ARL15: variants seen among roughly 807,000 people sequenced by gnomAD.
The protein encoded by ARL15 is ARF like GTPase 15.
ARL15 carries 19 observed loss-of-function variants against 25.2 expected under a neutral mutation model. That is an observed-to-expected ratio of 0.75 (90% CI 0.53 to 1.10). ARL15 has a LOEUF of 1.10. ARL15 is among the 50% of genes least tolerant of loss of function. The probability of loss-of-function intolerance (pLI) is 0.00; values close to 1 mark genes in which losing one functional copy is unlikely to be tolerated. For missense variants in ARL15, 220 were observed against 246.0 expected (o/e 0.89, Z 0.71); for synonymous variants, 94 against 86.8 (o/e 1.08, Z -0.46).
At chr5:54,221,488 T>C (rs558061778) in intron 1 of ARL15, among the ~76,000 whole-genome samples, 2 of 152,308 alleles carry the variant, frequency 1.3e-5, no homozygotes, top group African/African-American at 4.8e-5. Flanking sequence ...GATTTTTCTT[T>C]TTCCTTTCTT....
Position 53,937,134 on chromosome 5 carries a change from G to A in ARL15, c.463-50421C>T, listed in dbSNP as rs770561280. Among the ~76,000 whole-genome samples, 6 of 152,218 alleles carry A rather than the reference G, an allele frequency of 3.9e-5. No homozygotes were observed. The East Asian group carries it at 7.7e-4, about 20-fold the overall frequency. ...GCCTTGCCAAGAGTTCTCCGTCCCC[G>A]GAGGCTCGGTGTCAATGGCTTTCAC... On this transcript the variant is annotated intron_variant, in intron 4 of 4. Transcript: ENST00000504924.
At chr5:54,083,567 A>T (rs1751870694) in intron 4 of ARL15, among the ~76,000 whole-genome samples, 1 of 152,180 alleles carries the variant, frequency 6.6e-6, no homozygotes, top group Non-Finnish European at 1.5e-5. Flanking sequence ...AATATCACCA[A>T]TTAACTAAAA....
intron 4 of ARL15, among the ~76,000 whole-genome samples, chr5:54,080,985 C>T (rs1751780699): frequency 6.6e-6 from 1 of 152,168 alleles, no homozygotes; most frequent in South Asian, 2.1e-4. Flanking sequence ...AGAGCTCTTT[C>T]ACTCCTTCTT....
intron 4 of ARL15, among the ~76,000 whole-genome samples, chr5:53,889,794 T>C (rs188643629): frequency 1.3e-4 from 19 of 151,416 alleles, no homozygotes; most frequent in Admixed American, 7.9e-4. Context: ...GAGGACTTTA[T>C]GTTCTAGTTC....
intron 1 of ARL15, among the ~76,000 whole-genome samples, chr5:54,221,776 AG>A (rs1756378400): frequency 6.6e-6 from 1 of 151,758 alleles, no homozygotes; most frequent in Non-Finnish European, 1.5e-5. Context: ...ACCAAAAAAA[AG>A]TCATGGGGGC....
At chr5:54,184,662 G>A (rs999801635) in intron 1 of ARL15, among the ~76,000 whole-genome samples, 1 of 145,638 alleles carries the variant, frequency 6.9e-6, no homozygotes, top group South Asian at 2.2e-4. Context: ...TGTTTTTCTT[G>A]TAGTCCCTAA....
intron 4 of ARL15, among the ~76,000 whole-genome samples, chr5:53,994,964 C>T (rs898690246): frequency 1.3e-5 from 2 of 152,138 alleles, no homozygotes; most frequent in African/African-American, 2.4e-5. Context: ...CATAAGCCAC[C>T]GTACCTGGTC....
chr5:54,178,778 AT>A (rs1380294504), intron 1 of ARL15, among the ~76,000 whole-genome samples: 2 of 152,326 alleles, frequency 1.3e-5, no homozygotes, highest in East Asian at 3.9e-4. Context: ...AAATGACTTG[AT>A]TTAGAACAAA....
intron 4 of ARL15, among the ~76,000 whole-genome samples, chr5:53,899,347 CAAAAA>C (rs59145507): frequency 1.1e-5 from 1 of 89,396 alleles, no homozygotes; most frequent in East Asian, 6.8e-4. Context: ...GACTCTATCC[CAAAAA>C]AAAAAAAAAA....
chr5:54,092,357 A>C lies in ARL15; in HGVS notation c.462+20845T>G, dbSNP rs144978910. 6.9e-4 allele frequency among the ~76,000 whole-genome samples: 105 copies of C among 151,972 alleles called. 4 individuals are homozygous for C. The East Asian group carries it at 0.019, about 28-fold the overall frequency. Reference sequence around the variant, plus strand: ...TAGATGCTCCATCAATCCATATTGAATATAAGAATAAATGGATGGGTGAAA... The same window carrying C: ...TAGATGCTCCATCAATCCATATTGACTATAAGAATAAATGGATGGGTGAAA... On this transcript the variant is annotated intron_variant, in intron 4 of 4. Transcript: ENST00000504924.
At chr5:54,024,433 T>C (rs1026775698) in intron 4 of ARL15, among the ~76,000 whole-genome samples, 2 of 152,232 alleles carry the variant, frequency 1.3e-5, no homozygotes, top group African/African-American at 4.8e-5. Flanking sequence ...GATTTATCCA[T>C]ACTTTTTAAT....
At chr5:53,892,695 TG>T (rs201169363) in intron 4 of ARL15, among the ~76,000 whole-genome samples, 2,362 of 152,092 alleles carry the variant, frequency 0.016, 19 homozygotes, top group Non-Finnish European at 0.025. Context: ...CTTGAACTCC[TG>T]GGCTCAAGCA....
At chr5:54,002,038 T>G (rs908767149) in intron 4 of ARL15, among the ~76,000 whole-genome samples, 4 of 152,206 alleles carry the variant, frequency 2.6e-5, no homozygotes, top group African/African-American at 7.2e-5. Flanking sequence ...TTCCAATGGT[T>G]GGAGTCACTG....
chr5:54,109,749 C>T (rs1012524633), intron 4 of ARL15, among the ~76,000 whole-genome samples: 1 of 151,834 alleles, frequency 6.6e-6, no homozygotes, highest in African/African-American at 2.4e-5. Flanking sequence ...CCTAATGTAC[C>T]AAGTGGGCCA....
intron 1 of ARL15, among the ~76,000 whole-genome samples, chr5:54,261,671 C>G (rs1033637338): frequency 1.3e-5 from 2 of 152,034 alleles, no homozygotes; most frequent in Non-Finnish European, 2.9e-5. Context: ...TATATTCATA[C>G]AGCAGAAAAT....
chr5:54,147,537 C>G (rs534325221), intron 3 of ARL15, among the ~76,000 whole-genome samples: 1 of 152,274 alleles, frequency 6.6e-6, no homozygotes, highest in East Asian at 1.9e-4. Flanking sequence ...ATAATAAATA[C>G]AGAATATGTA....
intron 4 of ARL15, among the ~76,000 whole-genome samples, chr5:53,903,493 A>C (rs186214737): frequency 6.6e-6 from 1 of 152,288 alleles, no homozygotes; most frequent in African/African-American, 2.4e-5. Flanking sequence ...TTCCCCTCTC[A>C]CCTCAACAAA....
intron 4 of ARL15, among the ~76,000 whole-genome samples, chr5:54,063,121 GGGGA>G (rs568226349): frequency 2.1e-3 from 324 of 152,290 alleles, no homozygotes; most frequent in African/African-American, 7.4e-3. Context: ...AAGAGAGAGG[GGGGA>G]AAAACCCCTA....
chr5:54,086,890 C>T (rs1310243409), intron 4 of ARL15, among the ~76,000 whole-genome samples: 1 of 152,162 alleles, frequency 6.6e-6, no homozygotes, highest in African/African-American at 2.4e-5. Context: ...AACATGAAGC[C>T]ACATGGGAGA....
Sources: allele counts gnomAD v4.1 joint callset (sites outside exome capture counted in the v4.1 genomes callset), GRCh38; gene constraint gnomAD v4.1.1; transcripts MANE v1.5; gene names NCBI Gene and HGNC (gene_info 2026-07-23, HGNC 2026-07-21).